The following BAALC variants were observed in gnomAD, a reference collection of about 807,000 sequenced individuals.
BAALC encodes the protein BAALC binder of MAP3K1 and KLF4.
A neutral mutation model predicts 15.5 loss-of-function variants in BAALC; 9 were observed. That is an observed-to-expected ratio of 0.58 (90% confidence interval 0.35 to 1.02). The LOEUF (loss-of-function observed/expected upper bound fraction) is 1.02. Ranked by LOEUF, BAALC falls within the 50% of genes least tolerant of loss-of-function variation. The pLI, the probability that BAALC is intolerant of heterozygous loss-of-function variation, is 0.02. For synonymous variants in BAALC, 80 were observed against 74.6 expected (o/e 1.07, Z -0.37); for missense variants, 201 against 192.4 (o/e 1.04, Z -0.27).
chr8:103,149,882 A>C (rs1586372554), intron 1 of BAALC, among the ~76,000 whole-genome samples: 1 of 152,132 alleles, frequency 6.6e-6, no homozygotes, highest in Non-Finnish European at 1.5e-5. Context: ...TCAAGCCCCC[A>C]CAACAGGCTC....
intron 1 of BAALC, among the ~76,000 whole-genome samples, chr8:103,164,022 G>A (rs947692396): frequency 1.3e-5 from 2 of 152,184 alleles, no homozygotes; most frequent in Non-Finnish European, 2.9e-5. Context: ...ACATTGGTAA[G>A]CACCGTGAAG....
At chr8:103,194,750 C>T (rs1319784896) in intron 1 of BAALC, among the ~76,000 whole-genome samples, 6 of 152,158 alleles carry the variant, frequency 3.9e-5, no homozygotes, top group South Asian at 2.1e-4. Flanking sequence ...TCCTCATAGA[C>T]GGTGCCATCT....
At chr8:103,193,779 C>G (rs1812028180) in intron 1 of BAALC, among the ~76,000 whole-genome samples, 1 of 152,142 alleles carries the variant, frequency 6.6e-6, no homozygotes, top group Non-Finnish European at 1.5e-5. Context: ...TCTGAAAGGT[C>G]ATACAAGGGA....
At chr8:103,189,004 A>G (rs554804367) in intron 1 of BAALC, among the ~76,000 whole-genome samples, 3 of 152,376 alleles carry the variant, frequency 2.0e-5, no homozygotes, top group African/African-American at 7.2e-5. Context: ...ATTTTTAAAT[A>G]TAACTGTTAA....
intron 1 of BAALC, among the ~76,000 whole-genome samples, chr8:103,169,489 T>C (rs1398398802): frequency 6.6e-6 from 1 of 152,180 alleles, no homozygotes; most frequent in Non-Finnish European, 1.5e-5. Flanking sequence ...GGCACTCCGA[T>C]GTTGGTTGGA....
chr8:103,203,291 C>A (rs1210900594), intron 1 of BAALC, among the ~76,000 whole-genome samples: 21 of 152,208 alleles, frequency 1.4e-4, no homozygotes, highest in Non-Finnish European at 2.9e-5. Flanking sequence ...GCTAGTGCTA[C>A]ATTGTCTAGT....
chr8:103,190,295 T>A (rs1421474872), intron 1 of BAALC, among the ~76,000 whole-genome samples: 1 of 152,144 alleles, frequency 6.6e-6, no homozygotes, highest in Non-Finnish European at 1.5e-5. Context: ...ACTTCCTGAA[T>A]CTCTCCCTCA....
chr8:103,152,606 T>C (rs1490185069), intron 1 of BAALC, among the ~76,000 whole-genome samples: 4 of 152,220 alleles, frequency 2.6e-5, no homozygotes, highest in Non-Finnish European at 5.9e-5. Context: ...CTTAGAACAG[T>C]GCCCAGCACA....
intron 1 of BAALC, among the ~76,000 whole-genome samples, chr8:103,207,355 C>T (rs551976038): frequency 2.0e-5 from 3 of 152,136 alleles, no homozygotes; most frequent in South Asian, 2.1e-4. Flanking sequence ...GGAATTCCAG[C>T]GTATGTAGCA....
At chr8:103,153,495 G>C (rs1012360524) in intron 1 of BAALC, among the ~76,000 whole-genome samples, 7 of 152,310 alleles carry the variant, frequency 4.6e-5, no homozygotes, top group South Asian at 4.1e-4. Context: ...TAAAAATAAT[G>C]CAATACCTTA....
intron 1 of BAALC, among the ~76,000 whole-genome samples, chr8:103,141,707 GGAC>G (rs1296354429): frequency 6.6e-6 from 1 of 152,240 alleles, no homozygotes. Context: ...CCATAGCAAA[GGAC>G]TTCTCTCCCT....
intron 2 of BAALC, among the ~76,000 whole-genome samples, chr8:103,216,858 C>T (rs190366795): frequency 6.6e-6 from 1 of 152,236 alleles, no homozygotes; most frequent in Non-Finnish European, 1.5e-5. Context: ...AATCCTCACA[C>T]TAACTCTATA....
intron 2 of BAALC, among the ~76,000 whole-genome samples, chr8:103,221,813 T>C (rs1461339916): frequency 6.6e-6 from 1 of 152,220 alleles, no homozygotes; most frequent in African/African-American, 2.4e-5. Context: ...AGAGTCAAAC[T>C]CTACAATATT....
intron 1 of BAALC, chr8:103,183,554 G>C: frequency 1.5e-6 from 1 of 671,290 alleles, no homozygotes; most frequent in Non-Finnish European, 2.7e-6. Context: ...TAGCTTGGGA[G>C]AGCCTCTCAG....
chr8:103,178,052 G>A (rs1563644561), intron 1 of BAALC, among the ~76,000 whole-genome samples: 1 of 152,174 alleles, frequency 6.6e-6, no homozygotes, highest in Non-Finnish European at 1.5e-5. Flanking sequence ...ATCTGGTCTT[G>A]TCATTGGAGC....
intron 1 of BAALC, among the ~76,000 whole-genome samples, chr8:103,206,279 T>C (rs564455117): frequency 1.3e-5 from 2 of 152,254 alleles, no homozygotes; most frequent in South Asian, 4.2e-4. Flanking sequence ...TGATACAGCA[T>C]CTGTAACTCT....
chr8:103,183,501 G>T (rs1473342878), intron 1 of BAALC: 1 of 701,920 alleles, frequency 1.4e-6, no homozygotes, highest in Non-Finnish European at 2.6e-6. Context: ...GACCAGATCT[G>T]GGGAGGTGGG....
intron 2 of BAALC, among the ~76,000 whole-genome samples, chr8:103,214,066 G>A (rs1812508540): frequency 6.6e-6 from 1 of 152,222 alleles, no homozygotes; most frequent in South Asian, 2.1e-4. Context: ...GGCAGTGGGG[G>A]AAAGTGAGAT....
At chr8:103,150,781 T>C (rs1810969405) in intron 1 of BAALC, among the ~76,000 whole-genome samples, 1 of 152,152 alleles carries the variant, frequency 6.6e-6, no homozygotes, top group Non-Finnish European at 1.5e-5. Flanking sequence ...ACCCAGGGAT[T>C]CTTGACCTTC....
Sources: gnomAD v4.1 joint callset for allele counts (sites outside exome capture counted in the v4.1 genomes callset) on GRCh38, gnomAD v4.1.1 for gene constraint, MANE v1.5 for transcripts, NCBI Gene and HGNC (gene_info 2026-07-23, HGNC 2026-07-21) for gene names.